PXYLP1: variants seen among roughly 807,000 people sequenced by gnomAD.
PXYLP1 encodes the protein acid phosphatase-like 2.
In PXYLP1, 17 loss-of-function variants were observed where a neutral mutation model predicts 37.9. The ratio of observed to expected loss-of-function variants is 0.45; its 90% CI spans 0.31 to 0.67. The LOEUF (loss-of-function observed/expected upper bound fraction) is 0.67, where lower values mean the gene tolerates loss of function less well. Ranked by LOEUF, PXYLP1 falls within the 30% of genes least tolerant of loss-of-function variation. PXYLP1 has a pLI of 0.07. For missense variants in PXYLP1, 511 were observed against 612.0 expected (o/e 0.84, Z 1.74); for synonymous variants, 221 against 232.2 (o/e 0.95, Z 0.44).
At chr3:141,237,679 G>A (rs142758127) in intron 1 of PXYLP1, among the ~76,000 whole-genome samples, 108 of 152,272 alleles carry the variant, frequency 7.1e-4, no homozygotes, top group Non-Finnish European at 9.7e-4. Flanking sequence ...CCTTTTAGGC[G>A]CCAACTGACT....
intron 2 of PXYLP1, among the ~76,000 whole-genome samples, chr3:141,265,070 C>G (rs1183456183): frequency 1.3e-5 from 2 of 152,148 alleles, no homozygotes; most frequent in Non-Finnish European, 2.9e-5. Flanking sequence ...AAGGAGGCAG[C>G]TGAGTACAGG....
chr3:141,287,768 G>A (rs1206916869), intron 5 of PXYLP1, among the ~76,000 whole-genome samples: 2 of 152,172 alleles, frequency 1.3e-5, no homozygotes, highest in Non-Finnish European at 2.9e-5. Flanking sequence ...CCTTCTTCCT[G>A]TGCTTATGCA....
At chr3:141,262,728 A>C in intron 2 of PXYLP1, 4 of 1,526,664 alleles carry the variant, frequency 2.6e-6, no homozygotes, top group Non-Finnish European at 3.5e-6. Flanking sequence ...TTTTAGGTAA[A>C]CTGTAACTTT....
At chr3:141,279,060 C>T (rs1041425330) in intron 3 of PXYLP1, among the ~76,000 whole-genome samples, 1 of 152,210 alleles carries the variant, frequency 6.6e-6, no homozygotes, top group Admixed American at 6.5e-5. Context: ...TGGCTCTCTC[C>T]CTGGTCTGTG....
chr3:141,249,771 T>C (rs1941099675), intron 1 of PXYLP1, among the ~76,000 whole-genome samples: 1 of 152,308 alleles, frequency 6.6e-6, no homozygotes, highest in East Asian at 1.9e-4. Flanking sequence ...ATGTAGCTAC[T>C]TTGAAACTTA....
At chr3:141,268,836 G>A (rs1441725262) in intron 2 of PXYLP1, among the ~76,000 whole-genome samples, 2 of 152,210 alleles carry the variant, frequency 1.3e-5, no homozygotes, top group Non-Finnish European at 2.9e-5. Context: ...GCTCAGGTGG[G>A]AAAGAATGGG....
At chr3:141,239,788 C>T (rs1238553491) in intron 1 of PXYLP1, among the ~76,000 whole-genome samples, 3 of 152,202 alleles carry the variant, frequency 2.0e-5, no homozygotes, top group Admixed American at 6.5e-5. Context: ...CATGTGCCAC[C>T]ACAGCATCCA....
At chr3:141,286,799 C>T (rs1438209245) in intron 4 of PXYLP1, among the ~76,000 whole-genome samples, 1 of 152,136 alleles carries the variant, frequency 6.6e-6, no homozygotes, top group East Asian at 1.9e-4. Context: ...GCAAGAAGAC[C>T]AATAAAGAGC....
chr3:141,292,752 G>A lies in PXYLP1; in HGVS notation c.990G>A (p.Glu330=). ...AGGTAATTAAGACCCATCAGATCGA[G>A]GATGAAAGGGAAAGACGGGAGAAGA... ...HFKVIKTHQI[E]DERERREKKL... Residue 330 remains glutamate, a synonymous_variant, in exon 6 of 6, where the codon GAG becomes GAA. Coordinates refer to ENST00000286353, the MANE Select transcript of PXYLP1 (RefSeq NM_001037172.3). This position sits in a 1 kb window ranked among gnomAD's most constrained non-coding sequence, Gnocchi z 4.3. 1.2e-6 allele frequency: 2 copies of A among 1,613,908 alleles called. No individual in the cohort carries two copies. Among genetic ancestry groups the A allele is most frequent in the South Asian group, 1.1e-5 (1 of 91,026 alleles).
chr3:141,239,033 A>G (rs1412854374), intron 1 of PXYLP1, among the ~76,000 whole-genome samples: 4 of 148,844 alleles, frequency 2.7e-5, no homozygotes, highest in Non-Finnish European at 5.9e-5. Flanking sequence ...GGGTAGACCT[A>G]TGTCCTGGAA....
chr3:141,276,294 C>T (rs543065235), intron 2 of PXYLP1, among the ~76,000 whole-genome samples: 1 of 152,340 alleles, frequency 6.6e-6, no homozygotes, highest in East Asian at 1.9e-4. Flanking sequence ...ACACCCCATT[C>T]CATCCTTTCC....
intron 1 of PXYLP1, among the ~76,000 whole-genome samples, chr3:141,242,945 G>A (rs35181128): frequency 0.02 from 3,032 of 152,342 alleles, 43 homozygotes; most frequent in Non-Finnish European, 0.031. Context: ...CAGATGCTCA[G>A]TAAATATCTG....
intron 1 of PXYLP1, among the ~76,000 whole-genome samples, chr3:141,249,815 C>CA (rs1274805648): frequency 6.6e-6 from 1 of 152,068 alleles, no homozygotes; most frequent in Non-Finnish European, 1.5e-5. Context: ...GGATGGAACA[C>CA]AGACTTGTCT....
intron 2 of PXYLP1, 44 bp from the exon 3 acceptor site, chr3:141,278,298 C>T (rs367637734): frequency 9.1e-5 from 147 of 1,607,990 alleles, no homozygotes; most frequent in Admixed American, 8.5e-4. Flanking sequence ...GCTGGCCTGG[C>T]GCCCCAGGAA....
intron 1 of PXYLP1, among the ~76,000 whole-genome samples, chr3:141,254,221 A>G (rs1271479886): frequency 6.6e-6 from 1 of 152,170 alleles, no homozygotes; most frequent in African/African-American, 2.4e-5. Context: ...CCCCTCTGGA[A>G]TATTTTAAAG....
intron 2 of PXYLP1, among the ~76,000 whole-genome samples, chr3:141,275,796 T>A (rs1193425698): frequency 6.7e-6 from 1 of 148,630 alleles, no homozygotes; most frequent in Non-Finnish European, 1.5e-5. Flanking sequence ...ACGTTCACTG[T>A]AAAAAAAAAA....
At position 141,245,773 on chromosome 3, in the gene PXYLP1, G is replaced by A. The variant is rs116257370; in HGVS notation, c.-54+13862G>A. Among the ~76,000 whole-genome samples the A allele has an allele frequency of 6.6e-3, 999 of 152,284 alleles. 18 individuals are homozygous for A. Among genetic ancestry groups the A allele is most frequent in the African/African-American group, 0.023 (959 of 41,550 alleles). ...CATCTCTTAGGTATTTGGCGGAGAGGTCCCTAAAATATCACCATGAGCTCT... is the reference window on the plus strand; with the variant it reads ...CATCTCTTAGGTATTTGGCGGAGAGATCCCTAAAATATCACCATGAGCTCT... On this transcript the variant is annotated intron_variant, in intron 1 of 5. Transcript: ENST00000286353.
chr3:141,268,168 GGA>G lies in PXYLP1; in HGVS notation c.79+7952_79+7953del, dbSNP rs142785821. ...GTACCTTTATATGCGGGTGGGTGGG[GGA>G]GAGAGAGAGAGAGAGAGAGAGAGAG... On this transcript the variant is annotated intron_variant, in intron 2 of 5. Transcript: ENST00000286353. Among the ~76,000 whole-genome samples, 686 of 129,632 alleles carry G rather than the reference GGA, an allele frequency of 5.3e-3. 2 individuals carry two copies. Among genetic ancestry groups the G allele is most frequent in the African/African-American group, 0.011 (374 of 33,078 alleles). The allele number at this position is 129,632 out of a possible 152,430, so 85.0% of individuals were successfully genotyped here.
chr3:141,238,805 A>T (rs1462495626), intron 1 of PXYLP1, among the ~76,000 whole-genome samples: 1 of 152,240 alleles, frequency 6.6e-6, no homozygotes, highest in Non-Finnish European at 1.5e-5. Flanking sequence ...AAGCTAGAGA[A>T]ATGAAAATGT....
Sources: allele counts gnomAD v4.1 joint callset (sites outside exome capture counted in the v4.1 genomes callset), GRCh38; gene constraint gnomAD v4.1.1; non-coding constraint Gnocchi (gnomAD v3.1); transcripts MANE v1.5; gene names NCBI Gene and HGNC (gene_info 2026-07-23, HGNC 2026-07-21).